Variants in OSBPL9 observed in about 807,000 individuals in gnomAD.
The protein encoded by OSBPL9 is oxysterol-binding protein-related protein 9.
In OSBPL9, 40 loss-of-function variants were observed where a neutral mutation model predicts 106.6. The ratio of observed to expected loss-of-function variants is 0.38; its 90% CI spans 0.29 to 0.49. The LOEUF (loss-of-function observed/expected upper bound fraction) is 0.49. Among genes scored for constraint, OSBPL9 ranks in the 20% least tolerant of loss-of-function variants. OSBPL9 has a pLI of 0.97. For synonymous variants in OSBPL9, 269 were observed against 295.4 expected, an observed-to-expected ratio of 0.91 and a Z score of 0.92; for missense variants, 609 against 887.2, an observed-to-expected ratio of 0.69 and a Z score of 3.98.
chr1:51,737,598 G>A lies in OSBPL9; in HGVS notation c.319-7938G>A, dbSNP rs183303599. 1.0e-4 allele frequency among the ~76,000 whole-genome samples: 15 copies of A among 149,064 alleles called. No individual in the cohort carries two copies. In the East Asian group the frequency reaches 3.0e-3, roughly 30 times the overall value. ...TGTGTGTGTGTACATTTTTTAAAAT[G>A]AAACTTCTAGTGCGTAAGTAAAATT... On this transcript the variant is annotated intron_variant, in intron 4 of 23. Transcript: ENST00000428468.
upstream of OSBPL9, among the ~76,000 whole-genome samples, chr1:51,575,188 T>C (rs191657818): frequency 1.3e-4 from 19 of 151,852 alleles, no homozygotes; most frequent in Non-Finnish European, 2.2e-4. Flanking sequence ...CTCCCCAATA[T>C]CTAGGTTTTG....
intron 3 of OSBPL9, chr1:51,707,783 G>A (rs1224070128): frequency 5.8e-6 from 1 of 173,078 alleles, no homozygotes; most frequent in Non-Finnish European, 1.2e-5. Context: ...AAAGGACAGA[G>A]ATGAAGACCC....
At chr1:51,558,877 C>T in the OSBPL9 span, among the ~76,000 whole-genome samples, 1 of 152,124 alleles carries the variant, frequency 6.6e-6, no homozygotes, top group Non-Finnish European at 1.5e-5. Flanking sequence ...CTAGACTATA[C>T]TCATTCCTTC....
chr1:51,617,895 A>C (rs991310402), intron 1 of OSBPL9, among the ~76,000 whole-genome samples: 1 of 152,156 alleles, frequency 6.6e-6, no homozygotes, highest in Non-Finnish European at 1.5e-5. Context: ...GTGATAGTGC[A>C]GTGTCCCCTT....
chr1:51,729,650 G>C lies in OSBPL9; in HGVS notation c.318+15571G>C. The stretch of plus-strand genomic sequence containing the variant: ...CCTCCCGCGAGCTGCCAGCTCCCTC[G>C]GCCTCTCCACCCAAAACTGGCCCAA... On this transcript the variant is annotated intron_variant, in intron 4 of 23. Coordinates refer to ENST00000428468, the MANE Select transcript of OSBPL9 (RefSeq NM_024586.6). The surrounding 1 kb of genome is among the most constrained non-coding windows in gnomAD (Gnocchi z 5.1). 3.1e-6 allele frequency: 1 copy of C among 320,068 alleles called. No individual in the cohort carries two copies. Among genetic ancestry groups the C allele is most frequent in the Non-Finnish European group, 5.3e-6 (1 of 189,748 alleles). 19.8% of individuals were successfully genotyped at this position (320,068 alleles called of 1,614,324 possible).
At chr1:51,719,445 C>CT (rs879838595) in intron 4 of OSBPL9, among the ~76,000 whole-genome samples, 290 of 144,932 alleles carry the variant, frequency 2.0e-3, no homozygotes, top group African/African-American at 5.2e-3. Context: ...TTTTCAGATT[C>CT]TTTTTTTTTT....
chr1:51,717,037 C>T (rs1021696972), intron 4 of OSBPL9, among the ~76,000 whole-genome samples: 5 of 151,994 alleles, frequency 3.3e-5, no homozygotes, highest in Admixed American at 2.0e-4. Flanking sequence ...ACAATCACAG[C>T]TCACTGCAAC....
At chr1:51,731,047 C>G (rs980751104) in intron 4 of OSBPL9, among the ~76,000 whole-genome samples, 11 of 150,738 alleles carry the variant, frequency 7.3e-5, no homozygotes, top group Non-Finnish European at 1.2e-4. Flanking sequence ...TTGCTTTACT[C>G]CCCCCCACCT....
intron 3 of OSBPL9, among the ~76,000 whole-genome samples, chr1:51,700,226 C>G (rs1423054602): frequency 6.6e-6 from 1 of 152,164 alleles, no homozygotes; most frequent in Non-Finnish European, 1.5e-5. Context: ...TTGGACTTTC[C>G]CATTGTATAG....
chr1:51,537,227 T>G, the OSBPL9 span, among the ~76,000 whole-genome samples: 1 of 152,238 alleles, frequency 6.6e-6, no homozygotes, highest in Non-Finnish European at 1.5e-5. Context: ...CTTATTATTT[T>G]TTAAATGTTC....
At chr1:51,761,075 G>A (rs1257423407) in intron 10 of OSBPL9, among the ~76,000 whole-genome samples, 2 of 152,168 alleles carry the variant, frequency 1.3e-5, no homozygotes, top group African/African-American at 4.8e-5. Context: ...AGAATTCATG[G>A]CTAGCGAGGA....
intron 3 of OSBPL9, among the ~76,000 whole-genome samples, chr1:51,680,699 A>G (rs1413880687): frequency 2.0e-5 from 3 of 152,050 alleles, no homozygotes; most frequent in Non-Finnish European, 2.9e-5. Context: ...TAAAAGTTGC[A>G]TAATATTTCA....
the OSBPL9 span, chr1:51,566,525 T>C: frequency 6.6e-6 from 1 of 152,184 alleles, no homozygotes; most frequent in Non-Finnish European, 1.5e-5. Flanking sequence ...AGTGTACAGG[T>C]GAGGGTCTTT....
At chr1:51,518,370 C>T in the OSBPL9 span, 1 of 152,694 alleles carries the variant, frequency 6.5e-6, no homozygotes, top group Non-Finnish European at 1.5e-5. Flanking sequence ...AAGTGCTCCC[C>T]GGGAGGCCGT....
chr1:51,757,050 A>G lies in OSBPL9; in HGVS notation c.582+692A>G, dbSNP rs185022709. The G allele has an allele frequency of 5.6e-4, 85 of 152,274 alleles. 1 individual carries two copies. The highest frequency in any genetic ancestry group is 2.0e-3 in the African/African-American group (83 of 41,562). 9.4% of individuals were successfully genotyped at this position (152,274 alleles called of 1,614,324 possible). A position where few individuals can be genotyped will look rare whatever the true frequency, so the allele number is the denominator to read the frequency against. On this transcript the variant is annotated intron_variant, in intron 9 of 23. Coordinates refer to ENST00000428468, the MANE Select transcript of OSBPL9 (RefSeq NM_024586.6). ...TGGTAACTGAGTGACCTTAGTCTGT[A>G]TTCCTGAAGCAGGAGGCAGCTTTTT...
intron 4 of OSBPL9, among the ~76,000 whole-genome samples, chr1:51,717,696 A>G (rs1208365054): frequency 2.0e-5 from 3 of 151,704 alleles, no homozygotes; most frequent in Non-Finnish European, 4.4e-5. Flanking sequence ...TTTTTCCAAA[A>G]GACAGGCAAT....
At chr1:51,520,940 C>T in the OSBPL9 span, among the ~76,000 whole-genome samples, 1 of 152,250 alleles carries the variant, frequency 6.6e-6, no homozygotes, top group Non-Finnish European at 1.5e-5. Context: ...TACTGTTTTA[C>T]ATTACTTCAC....
chr1:51,585,672 A>G (rs1374675482), intron 1 of OSBPL9, among the ~76,000 whole-genome samples: 1 of 152,080 alleles, frequency 6.6e-6, no homozygotes, highest in Non-Finnish European at 1.5e-5. Flanking sequence ...GCTACTCAGG[A>G]GGCTGAGGCA....
At chr1:51,735,772 G>C (rs958337592) in intron 4 of OSBPL9, among the ~76,000 whole-genome samples, 1 of 152,220 alleles carries the variant, frequency 6.6e-6, no homozygotes, top group Non-Finnish European at 1.5e-5. Context: ...CTCAGGATAA[G>C]ATTTAGTGTG....
Sources: allele counts gnomAD v4.1 joint callset (sites outside exome capture counted in the v4.1 genomes callset), GRCh38; gene constraint gnomAD v4.1.1; non-coding constraint Gnocchi (gnomAD v3.1); transcripts MANE v1.5; gene names NCBI Gene and HGNC (gene_info 2026-07-23, HGNC 2026-07-21).